The following PCDHA2 variants were observed in gnomAD, a reference collection of about 807,000 sequenced individuals.
The protein encoded by PCDHA2 is protocadherin alpha-2.
PCDHA2 carries 58 observed loss-of-function variants against 66.0 expected under a neutral mutation model. The observed-to-expected ratio is 0.88, with a 90% CI of 0.71 to 1.09. The LOEUF is 1.09. Among genes scored for constraint, PCDHA2 ranks in the 50% least tolerant of loss-of-function variants. The pLI is 0.00. For missense variants in PCDHA2, 1,267 were observed against 1,242.3 expected (o/e 1.02, Z -0.30); for synonymous variants, 634 against 554.0 (o/e 1.14, Z -2.03).
chr5:140,829,798 G>A, intron 1 of PCDHA2: 1 of 1,613,874 alleles, frequency 6.2e-7, no homozygotes, highest in Non-Finnish European at 8.5e-7. Flanking sequence ...TGGCGCCTCG[G>A]GTGGGTGGTA....
At chr5:140,803,841 T>G (rs1763288452) in intron 1 of PCDHA2, 3 of 604,004 alleles carry the variant, frequency 5.0e-6, no homozygotes, top group Non-Finnish European at 8.5e-6. Context: ...AGAATTATTT[T>G]ATTGCTAAAT....
intron 1 of PCDHA2, chr5:140,877,530 T>C: frequency 1.2e-6 from 2 of 1,613,780 alleles, no homozygotes; most frequent in Non-Finnish European, 1.7e-6. Context: ...CAGTGGGCGC[T>C]GTGGATCCCG....
intron 1 of PCDHA2, chr5:140,928,753 G>A (rs782483181): frequency 1.2e-6 from 2 of 1,614,142 alleles, no homozygotes; most frequent in Non-Finnish European, 8.5e-7. Flanking sequence ...GCTCCGTACT[G>A]CTCGCTTAGT....
In PCDHA2 at chr5:141,012,190, T is replaced by C. The variant is rs1002658582; in HGVS notation, c.*2253T>C. On this transcript the variant is annotated 3_prime_UTR_variant, in exon 4 of 4. Transcript: ENST00000526136. ...TTAATGATGATAATTATAATGTATCTGTACAGCACTTTTTACATTTGCGAA... is the reference window on the plus strand; with the variant it reads ...TTAATGATGATAATTATAATGTATCCGTACAGCACTTTTTACATTTGCGAA... The C allele has an allele frequency of 2.0e-5, 3 of 153,780 alleles. No homozygotes were observed. Among genetic ancestry groups the C allele is most frequent in the African/African-American group, 7.2e-5 (3 of 41,458 alleles). 9.5% of individuals were successfully genotyped at this position (153,780 alleles called of 1,614,324 possible).
intron 1 of PCDHA2, among the ~76,000 whole-genome samples, chr5:140,806,619 C>T (rs1581678216): frequency 6.8e-6 from 1 of 147,344 alleles, no homozygotes; most frequent in African/African-American, 2.5e-5. Context: ...CTCAAGTCAA[C>T]AACACCAGAA....
At chr5:140,823,142 A>G in intron 1 of PCDHA2, 1 of 1,613,792 alleles carries the variant, frequency 6.2e-7, no homozygotes, top group Non-Finnish European at 8.5e-7. Context: ...GCGTTCGCGC[A>G]GCCCCAGTAT....
At chr5:140,869,211 G>T (rs375218342) in intron 1 of PCDHA2, 2 of 1,613,956 alleles carry the variant, frequency 1.2e-6, no homozygotes, top group Non-Finnish European at 1.7e-6. Context: ...ACTCCGTCTC[G>T]GAGGAGGCCA....
intron 1 of PCDHA2, among the ~76,000 whole-genome samples, chr5:140,918,282 C>CT (rs1554198523): frequency 6.6e-6 from 1 of 152,016 alleles, no homozygotes; most frequent in African/African-American, 2.4e-5. Context: ...GATGTAGGAG[C>CT]TTTTTGGCAG....
chr5:140,812,087 C>A (rs1645799972), intron 1 of PCDHA2: 1 of 149,340 alleles, frequency 6.7e-6, no homozygotes, highest in African/African-American at 2.5e-5. Flanking sequence ...AAACAATTAT[C>A]ATTGATTCTT....
chr5:140,870,987 C>A, intron 1 of PCDHA2: 1 of 1,613,452 alleles, frequency 6.2e-7, no homozygotes, highest in Non-Finnish European at 8.5e-7. Flanking sequence ...TGTACACGGG[C>A]GAGATAAGCA....
rs527332783 is a variant in PCDHA2, at chr5:140,855,952, A to G, written c.2388+58600A>G. Reference sequence around the variant, plus strand: ...TCATTCTGAGATCTCAGCCATTTCGATAAAAAATAGATATAAGAAATAGGA... The same window carrying G: ...TCATTCTGAGATCTCAGCCATTTCGGTAAAAAATAGATATAAGAAATAGGA... On this transcript the variant is annotated intron_variant, in intron 1 of 3. Transcript: ENST00000526136. The G allele has an allele frequency of 2.9e-6, 4 of 1,380,786 alleles. No individual in the cohort carries two copies. The African/African-American group carries it at 5.8e-5, about 20-fold the overall frequency. The allele number at this position is 1,380,786 out of a possible 1,614,324, so 85.5% of individuals were successfully genotyped here.
intron 1 of PCDHA2, chr5:140,861,443 C>T (rs782609099): frequency 4.1e-6 from 2 of 493,194 alleles, no homozygotes; most frequent in Non-Finnish European, 8.3e-6. Context: ...CCAAAAGCCG[C>T]AGAAACCTTC....
chr5:140,972,589 T>C (rs1258846206), intron 1 of PCDHA2, among the ~76,000 whole-genome samples: 2 of 152,074 alleles, frequency 1.3e-5, no homozygotes, highest in Non-Finnish European at 2.9e-5. Flanking sequence ...AGAATTTCTC[T>C]TTGGAAATTT....
At chr5:140,946,151 C>T (rs943826321) in intron 1 of PCDHA2, among the ~76,000 whole-genome samples, 6 of 151,694 alleles carry the variant, frequency 4.0e-5, no homozygotes, top group East Asian at 1.9e-4. Context: ...ACAAATAACA[C>T]GATTTAAAAG....
chr5:140,797,731 A>G (rs1202597015), intron 1 of PCDHA2, among the ~76,000 whole-genome samples: 2 of 152,266 alleles, frequency 1.3e-5, no homozygotes, highest in African/African-American at 4.8e-5. Flanking sequence ...TTTTCAACTG[A>G]CACTGTCTAT....
At chr5:140,822,050 A>AG (rs2150113241) in intron 1 of PCDHA2, 2 of 1,614,182 alleles carry the variant, frequency 1.2e-6, no homozygotes, top group South Asian at 2.2e-5. Flanking sequence ...ATCGACCGGG[A>AG]GGAGCTGTGC....
chr5:140,857,003 G>A (rs74982530), intron 1 of PCDHA2: 2 of 1,595,436 alleles, frequency 1.3e-6, no homozygotes, highest in Admixed American at 1.7e-5. Flanking sequence ...TGAAATTCAT[G>A]TAGATGTTAC....
At chr5:140,974,856 C>G (rs2096643713) in intron 1 of PCDHA2, among the ~76,000 whole-genome samples, 1 of 152,104 alleles carries the variant, frequency 6.6e-6, no homozygotes, top group African/African-American at 2.4e-5. Context: ...TTCCCTTTTG[C>G]CTTAATGCGG....
chr5:140,974,782 C>T (rs1211935245), intron 1 of PCDHA2, among the ~76,000 whole-genome samples: 11 of 152,150 alleles, frequency 7.2e-5, no homozygotes, highest in African/African-American at 2.7e-4. Context: ...GCCACTGCGC[C>T]CAGCCCTCAT....
Sources: gnomAD v4.1 joint callset for allele counts (sites outside exome capture counted in the v4.1 genomes callset) on GRCh38, gnomAD v4.1.1 for gene constraint, MANE v1.5 for transcripts, NCBI Gene and HGNC (gene_info 2026-07-23, HGNC 2026-07-21) for gene names.